Variants in CELF6 observed in about 807,000 individuals in gnomAD.
CELF6 encodes CUGBP Elav-like family member 6, also known as Bruno -like 6, RNA binding protein.
CELF6 carries 32 observed loss-of-function variants against 53.1 expected under a neutral mutation model. The observed-to-expected ratio is 0.60, with a 90% confidence interval of 0.46 to 0.81. The LOEUF (loss-of-function observed/expected upper bound fraction) is 0.81. Among genes scored for constraint, CELF6 ranks in the 30% least tolerant of loss-of-function variants. The pLI is 0.00. For missense variants in CELF6, 539 were observed against 669.5 expected (o/e 0.81, Z 2.15); for synonymous variants, 291 against 288.8 (o/e 1.01, Z -0.08).
At chr15:72,317,750 C>T (rs903729371) in intron 1 of CELF6, among the ~76,000 whole-genome samples, 2 of 152,176 alleles carry the variant, frequency 1.3e-5, no homozygotes, top group African/African-American at 4.8e-5. Context: ...ATTCCACTTA[C>T]ATCCCTGCTC....
At chr15:72,310,137 C>T (rs926342502) in intron 2 of CELF6, among the ~76,000 whole-genome samples, 1 of 152,152 alleles carries the variant, frequency 6.6e-6, no homozygotes, top group African/African-American at 2.4e-5. Flanking sequence ...CTGATGCCAA[C>T]TATTCTTTTC....
In CELF6 at chr15:72,319,467, T is replaced by C. The variant is rs2088400106; in HGVS notation, c.262+146A>G. The stretch of plus-strand genomic sequence containing the variant: ...GGATGTCAGAGAGAAAATTCTGTGA[T>C]CTGGGAAGGGGGCTGGGCTGAGGTG... On this transcript the variant is annotated intron_variant, in intron 1 of 12. Transcript: ENST00000287202. The surrounding 1 kb of genome is among the most constrained non-coding windows in gnomAD (Gnocchi z 5.0). 2.2e-5 allele frequency: 19 copies of C among 853,786 alleles called. No homozygotes were observed. In the South Asian group the frequency reaches 3.3e-4, roughly 15 times the overall value. The allele number at this position is 853,786 out of a possible 1,614,324, so 52.9% of individuals were successfully genotyped here.
intron 2 of CELF6, among the ~76,000 whole-genome samples, chr15:72,308,047 C>T (rs2088252363): frequency 6.6e-6 from 1 of 152,142 alleles, no homozygotes; most frequent in African/African-American, 2.4e-5. Flanking sequence ...GAGCAAATTG[C>T]TTCCTAGCAG....
At chr15:72,317,101 G>C (rs183957693) in intron 1 of CELF6, among the ~76,000 whole-genome samples, 3 of 152,310 alleles carry the variant, frequency 2.0e-5, no homozygotes, top group African/African-American at 7.2e-5. Context: ...CTGGTGTATG[G>C]GGGCAGAGTG....
At chr15:72,305,503 G>T (rs925511042) in intron 2 of CELF6, among the ~76,000 whole-genome samples, 2 of 152,120 alleles carry the variant, frequency 1.3e-5, no homozygotes, top group Non-Finnish European at 2.9e-5. Flanking sequence ...CACTGCGCCC[G>T]GCCAGATTCA....
chr15:72,311,708 A>T (rs60790003), intron 2 of CELF6, among the ~76,000 whole-genome samples: 1 of 151,940 alleles, frequency 6.6e-6, no homozygotes, highest in African/African-American at 2.4e-5. Flanking sequence ...GGCCAATGAG[A>T]CTCATTTTTA....
Position 72,289,133 on chromosome 15 carries a change from C to T in CELF6, c.1030+5G>A. The T allele has an allele frequency of 6.6e-7, 1 of 1,520,222 alleles. No individual in the cohort carries two copies. Among genetic ancestry groups the T allele is most frequent in the Admixed American group, 2.4e-5 (1 of 40,822 alleles). 94.2% of individuals were successfully genotyped at this position (1,520,222 alleles called of 1,614,324 possible). A position where few individuals can be genotyped will look rare whatever the true frequency, so the allele number is the denominator to read the frequency against. On this transcript the variant is annotated splice_donor_5th_base_variant and intron_variant, in intron 8 of 12. Transcript: ENST00000287202. The surrounding 1 kb of genome is among the most constrained non-coding windows in gnomAD (Gnocchi z 7.6). ...GGGGGGATTTGGGCGGAGCGGGGGGCCCACCTGGATAAGGGGAGAGCCCGT... is the reference window on the plus strand; with the variant it reads ...GGGGGGATTTGGGCGGAGCGGGGGGTCCACCTGGATAAGGGGAGAGCCCGT...
At chr15:72,314,013 A>G (rs975751360) in intron 2 of CELF6, among the ~76,000 whole-genome samples, 1 of 152,122 alleles carries the variant, frequency 6.6e-6, no homozygotes, top group Non-Finnish European at 1.5e-5. Context: ...TCACAAAGCT[A>G]GTGAGTGGTG....
chr15:72,301,110 A>C (rs2088150025), intron 3 of CELF6, among the ~76,000 whole-genome samples: 1 of 151,878 alleles, frequency 6.6e-6, no homozygotes, highest in African/African-American at 2.4e-5. Flanking sequence ...CAGCCTCCCG[A>C]GTAGCTGGGT....
intron 1 of CELF6, among the ~76,000 whole-genome samples, 174 bp from the exon 2 acceptor site, chr15:72,316,101 G>A (rs2088360785): frequency 6.6e-6 from 1 of 152,136 alleles, no homozygotes; most frequent in Admixed American, 6.5e-5. Context: ...TGTGCCTGGG[G>A]ACCAGTGTCC....
intron 1 of CELF6, among the ~76,000 whole-genome samples, chr15:72,316,754 A>G (rs202099124): frequency 3.3e-5 from 5 of 152,142 alleles, no homozygotes; most frequent in African/African-American, 1.2e-4. Context: ...CTCCTTTCCA[A>G]CAGCCACTGA....
chr15:72,298,025 T>A (rs1380357280), intron 3 of CELF6, among the ~76,000 whole-genome samples: 4 of 152,214 alleles, frequency 2.6e-5, no homozygotes, highest in Non-Finnish European at 1.5e-5. Flanking sequence ...AAAATACTTT[T>A]TAGAATTAAA....
chr15:72,299,861 C>T (rs2088129472), intron 3 of CELF6, among the ~76,000 whole-genome samples: 1 of 152,126 alleles, frequency 6.6e-6, no homozygotes, highest in South Asian at 2.1e-4. Flanking sequence ...CACTGGAATA[C>T]ATTAAAAGGC....
chr15:72,317,193 G>A (rs2088374070), intron 1 of CELF6, among the ~76,000 whole-genome samples: 1 of 152,132 alleles, frequency 6.6e-6, no homozygotes, highest in African/African-American at 2.4e-5. Flanking sequence ...AAGAGCAATA[G>A]AGAGCCACTT....
chr15:72,287,603 G>A (rs1278818188), intron 11 of CELF6, among the ~76,000 whole-genome samples: 1 of 152,236 alleles, frequency 6.6e-6, no homozygotes, highest in Non-Finnish European at 1.5e-5. Context: ...CTCTGAGTGT[G>A]TGTGCAGGGT....
Position 72,288,947 on chromosome 15 carries a change from G to C in CELF6, c.1031-17C>G. 1.3e-6 allele frequency: 2 copies of C among 1,548,478 alleles called. No individual in the cohort carries two copies. The highest frequency in any genetic ancestry group is 1.7e-6 in the Non-Finnish European group (2 of 1,145,476). ...GGCTCTGGGCTGGGGAGAGAGGGGC[G>C]CGAGGCCCACAGTGAAGGCAAGCGG... On this transcript the variant is annotated splice_polypyrimidine_tract_variant and intron_variant, in intron 8 of 12. Transcript: ENST00000287202. The surrounding 1 kb of genome is among the most constrained non-coding windows in gnomAD (Gnocchi z 4.6).
At chr15:72,305,370 C>T (rs1399749134) in intron 2 of CELF6, among the ~76,000 whole-genome samples, 3 of 152,116 alleles carry the variant, frequency 2.0e-5, no homozygotes, top group African/African-American at 7.2e-5. Context: ...CCAGGCCCGG[C>T]TGATTTTTGT....
intron 3 of CELF6, among the ~76,000 whole-genome samples, chr15:72,295,019 T>C: frequency 6.8e-6 from 1 of 147,794 alleles, no homozygotes; most frequent in East Asian, 2.0e-4. Flanking sequence ...CAATTCTATT[T>C]GCAATAGCAT....
chr15:72,311,840 C>T (rs1825503906), intron 2 of CELF6, among the ~76,000 whole-genome samples: 1 of 152,188 alleles, frequency 6.6e-6, no homozygotes, highest in Admixed American at 6.5e-5. Context: ...AAAAAATGTG[C>T]CCTTTCCTCT....
Sources: allele counts gnomAD v4.1 joint callset (sites outside exome capture counted in the v4.1 genomes callset), GRCh38; gene constraint gnomAD v4.1.1; non-coding constraint Gnocchi (gnomAD v3.1); transcripts MANE v1.5; gene names NCBI Gene and HGNC (gene_info 2026-07-23, HGNC 2026-07-21).